CCDC112: variants seen among roughly 807,000 people sequenced by gnomAD.
The protein encoded by CCDC112 is coiled-coil domain containing 112, also known as coiled-coil domain-containing protein 112.
In CCDC112, 40 loss-of-function variants were observed where a neutral mutation model predicts 66.3. The ratio of observed to expected loss-of-function variants is 0.60; its 90% CI spans 0.47 to 0.79. The LOEUF (loss-of-function observed/expected upper bound fraction) is 0.79. Among genes scored for constraint, CCDC112 ranks in the 30% least tolerant of loss-of-function variants. The pLI is 0.00. For missense variants in CCDC112, 659 were observed against 603.8 expected (o/e 1.09, Z -0.96); for synonymous variants, 214 against 197.2 (o/e 1.09, Z -0.71).
intron 8 of CCDC112, among the ~76,000 whole-genome samples, chr5:115,269,412 C>T (rs189172447): frequency 5.3e-5 from 8 of 152,054 alleles, no homozygotes; most frequent in African/African-American, 1.7e-4. Context: ...CTCATAGCTG[C>T]CATTGATCTA....
chr5:115,269,575 A>G, intron 8 of CCDC112, 128 bp downstream of exon 8: 1 of 644,408 alleles, frequency 1.6e-6, no homozygotes, highest in Non-Finnish European at 2.6e-6. Flanking sequence ...ATATGTAAAT[A>G]AGTATGAAAT....
intron 2 of CCDC112, among the ~76,000 whole-genome samples, chr5:115,282,746 T>G (rs1185081670): frequency 1.3e-5 from 2 of 152,132 alleles, no homozygotes; most frequent in Non-Finnish European, 2.9e-5. Flanking sequence ...GTGGCTTGGA[T>G]GAAGAGTAAA....
intron 2 of CCDC112, among the ~76,000 whole-genome samples, chr5:115,280,832 T>A (rs1360600597): frequency 6.6e-6 from 1 of 151,964 alleles, no homozygotes; most frequent in Non-Finnish European, 1.5e-5. Context: ...TGAGCCATCA[T>A]GCCCAGCCAA....
intron 6 of CCDC112, among the ~76,000 whole-genome samples, chr5:115,271,918 GCTT>G (rs1156377954): frequency 1.8e-4 from 27 of 146,244 alleles, no homozygotes; most frequent in African/African-American, 4.8e-4. Flanking sequence ...CCTCTTTACT[GCTT>G]CTTTTTTTTT....
At chr5:115,283,528 T>C (rs921771534) in intron 2 of CCDC112, among the ~76,000 whole-genome samples, 1 of 152,146 alleles carries the variant, frequency 6.6e-6, no homozygotes, top group African/African-American at 2.4e-5. Context: ...ATTAGCTTGA[T>C]TGTGGTAATC....
rs2127058132 is a variant in CCDC112, at chr5:115,276,993, T to C, written c.423A>G (p.Gln141=). Residue 141 remains glutamine, a synonymous_variant, in exon 4 of 10, where the codon CAA becomes CAG. Transcript: ENST00000379611. ...IHNNVKKLQH[Q]LKDVKPTPDF... is the part of the protein sequence containing the mutation. ...CAGGTGTAGGCTTCACATCTTTTAA[T>C]TGATGCTGAAGTTTCTTTACATTAT... 2 of 1,609,272 alleles carry C rather than the reference T, an allele frequency of 1.2e-6. No homozygotes were observed. Among genetic ancestry groups the C allele is most frequent in the South Asian group, 2.2e-5 (2 of 90,846 alleles).
chr5:115,272,638 T>A (rs1303334798), intron 6 of CCDC112, among the ~76,000 whole-genome samples: 1 of 152,208 alleles, frequency 6.6e-6, no homozygotes, highest in Non-Finnish European at 1.5e-5. Context: ...AAAAATTATT[T>A]CAAATTCTAG....
intron 1 of CCDC112, among the ~76,000 whole-genome samples, chr5:115,291,097 T>C (rs898175142): frequency 6.6e-6 from 1 of 152,156 alleles, no homozygotes; most frequent in African/African-American, 2.4e-5. Context: ...GATCATTAAG[T>C]AATACGTTAC....
chr5:115,279,762 A>C lies in CCDC112; in HGVS notation c.246T>G (p.Ile82Met), dbSNP rs200206637. Residue 82 changes from isoleucine to methionine, a missense_variant, in exon 3 of 10, where the codon ATT becomes ATG. By Grantham distance (10) the Ile-to-Met change is conservative (BLOSUM62 1). Transcript: ENST00000379611. The part of the protein sequence containing the change: ...RTAEKFKNQV[I>M]NMEKDKHSHF... ...GACTGTGTTTATCTTTTTCCATGTT[A>C]ATTACTCTTTAGGAAAAGAAACAAA... is the stretch of plus-strand genomic sequence containing the variant. The C allele has an allele frequency of 2.0e-6, 3 of 1,483,648 alleles. No individual in the cohort carries two copies. The African/African-American group carries it at 4.1e-5, about 21-fold the overall frequency. The allele number at this position is 1,483,648 out of a possible 1,614,324, so 91.9% of individuals were successfully genotyped here. A position where few individuals can be genotyped will look rare whatever the true frequency, so the allele number is the denominator to read the frequency against.
chr5:115,282,098 C>T (rs955907952), intron 2 of CCDC112, among the ~76,000 whole-genome samples: 3 of 152,182 alleles, frequency 2.0e-5, no homozygotes, highest in African/African-American at 4.8e-5. Context: ...TGAATATAAC[C>T]TAAATGTCCA....
At chr5:115,273,227 G>A (rs1466513845) in intron 6 of CCDC112, among the ~76,000 whole-genome samples, 1 of 152,168 alleles carries the variant, frequency 6.6e-6, no homozygotes, top group Non-Finnish European at 1.5e-5. Flanking sequence ...TGGGATTGGA[G>A]GGGGAAAGAA....
intron 2 of CCDC112, among the ~76,000 whole-genome samples, chr5:115,281,306 G>A (rs1021408505): frequency 6.6e-6 from 1 of 152,132 alleles, no homozygotes; most frequent in African/African-American, 2.4e-5. Context: ...TTACAGGCAT[G>A]AGCCACCGCA....
intron 2 of CCDC112, among the ~76,000 whole-genome samples, chr5:115,280,636 T>C (rs1749412154): frequency 6.6e-6 from 1 of 152,004 alleles, no homozygotes; most frequent in South Asian, 2.1e-4. Context: ...CACTGCAGCC[T>C]TGACCTCCCT....
chr5:115,294,640 A>G (rs1750072614), intron 1 of CCDC112, among the ~76,000 whole-genome samples: 1 of 152,226 alleles, frequency 6.6e-6, no homozygotes, highest in East Asian at 1.9e-4. Context: ...TGAGATTGCC[A>G]CCAGGAAAAT....
At chr5:115,285,487 G>C (rs989472661) in intron 1 of CCDC112, among the ~76,000 whole-genome samples, 1 of 152,126 alleles carries the variant, frequency 6.6e-6, no homozygotes, top group Non-Finnish European at 1.5e-5. Flanking sequence ...GTAGGAAAGT[G>C]TGTTCTAAGC....
chr5:115,292,447 TA>T (rs1424774674), intron 1 of CCDC112, among the ~76,000 whole-genome samples: 1 of 152,244 alleles, frequency 6.6e-6, no homozygotes, highest in Non-Finnish European at 1.5e-5. Flanking sequence ...TGAACATATT[TA>T]AATAACTGTT....
chr5:115,295,447 T>C (rs1298421043), intron 1 of CCDC112, among the ~76,000 whole-genome samples: 2 of 152,174 alleles, frequency 1.3e-5, no homozygotes, highest in East Asian at 3.8e-4. Context: ...AAGAGAATTA[T>C]AGAGGATGTG....
chr5:115,279,624 A>G (rs1400289755), intron 3 of CCDC112, 23 bp downstream of exon 3: 2 of 1,607,994 alleles, frequency 1.2e-6, no homozygotes, highest in Non-Finnish European at 1.7e-6. Flanking sequence ...AACAGTTTTT[A>G]GTTCATCACA....
intron 6 of CCDC112, 60 bp downstream of exon 6, chr5:115,275,156 T>C: frequency 7.8e-7 from 1 of 1,288,128 alleles, no homozygotes; most frequent in Non-Finnish European, 1.1e-6. Context: ...ATGTTAAGTG[T>C]TTAGTACAGT....
Sources: allele counts gnomAD v4.1 joint callset (sites outside exome capture counted in the v4.1 genomes callset), GRCh38; gene constraint gnomAD v4.1.1; transcripts MANE v1.5; gene names NCBI Gene and HGNC (gene_info 2026-07-23, HGNC 2026-07-21).